PRKG1: variants seen among roughly 807,000 people sequenced by gnomAD.
PRKG1 encodes the protein cGMP-dependent protein kinase 1.
In PRKG1, 35 loss-of-function variants were observed where a neutral mutation model predicts 88.1. The ratio of observed to expected loss-of-function variants is 0.40; its 90% CI spans 0.30 to 0.53. The LOEUF (loss-of-function observed/expected upper bound fraction) is 0.53, where lower values mean the gene tolerates loss of function less well. Ranked by LOEUF, PRKG1 falls within the 20% of genes least tolerant of loss-of-function variation. PRKG1 has a pLI of 0.59. For synonymous variants in PRKG1, 303 were observed against 292.5 expected, an observed-to-expected ratio of 1.04 and a Z score of -0.37; for missense variants, 540 against 839.8, an observed-to-expected ratio of 0.64 and a Z score of 4.41.
intron 1 of PRKG1, among the ~76,000 whole-genome samples, chr10:51,008,622 C>T (rs1053677086): frequency 6.6e-6 from 1 of 152,110 alleles, no homozygotes; most frequent in African/African-American, 2.4e-5. Context: ...TGTAAGATTA[C>T]TAGTCATTCA....
intron 3 of PRKG1, among the ~76,000 whole-genome samples, chr10:51,661,626 TGGTG>T (rs1180684305): frequency 6.6e-6 from 1 of 152,190 alleles, no homozygotes; most frequent in African/African-American, 2.4e-5. Flanking sequence ...TTTTCACTGT[TGGTG>T]GGAGTCTAAA....
At chr10:51,954,976 G>A (rs1383487834) in intron 5 of PRKG1, among the ~76,000 whole-genome samples, 1 of 151,930 alleles carries the variant, frequency 6.6e-6, no homozygotes, top group Non-Finnish European at 1.5e-5. Flanking sequence ...CTTTTTGCTG[G>A]AGTTTTAAAA....
At chr10:51,062,665 C>A (rs1342318937) in intron 1 of PRKG1, 6 of 151,758 alleles carry the variant, frequency 4.0e-5, no homozygotes, top group Non-Finnish European at 7.4e-5. Flanking sequence ...TCTTGTTTCC[C>A]AGGCTGAAGT....
rs543187449 is a variant in PRKG1, at chr10:52,042,873, C to T, written c.763-11611C>T. On this transcript the variant is annotated intron_variant, in intron 5 of 17. Coordinates refer to ENST00000373980, the MANE Select transcript of PRKG1 (RefSeq NM_006258.4). ...TATGTAAGAAACTCAAACAATCCAA[C>T]AGCAATAAAAAAACAAATAACTTGA... Among the ~76,000 whole-genome samples, 11 of 152,096 alleles carry T rather than the reference C, an allele frequency of 7.2e-5. No individual in the cohort carries two copies. The East Asian group carries it at 9.7e-4, about 13-fold the overall frequency.
rs112962407 is a variant in PRKG1 at position 51,011,195 on chromosome 10, T to TTG, written c.266+19564_266+19565dup. Among the ~76,000 whole-genome samples the TTG allele has an allele frequency of 4.6e-5, 7 of 151,572 alleles. No homozygotes were observed. In the East Asian group the frequency reaches 5.8e-4, roughly 13 times the overall value. ...GAATTTTGGATCAGAGAATTATTTG[T>TTG]TGTGTGTGTGTGTGGGTGGGGAGGG... On this transcript the variant is annotated intron_variant, in intron 1 of 17. Transcript: ENST00000401604.
chr10:51,965,646 A>G (rs544527783), intron 5 of PRKG1, among the ~76,000 whole-genome samples: 85 of 152,324 alleles, frequency 5.6e-4, no homozygotes, highest in African/African-American at 2.0e-3. Context: ...TCTTTCAGAA[A>G]TAGTTGCTGA....
chr10:51,687,788 A>G (rs754677397), intron 3 of PRKG1, among the ~76,000 whole-genome samples: 1 of 152,170 alleles, frequency 6.6e-6, no homozygotes, highest in Non-Finnish European at 1.5e-5. Context: ...ATTCAATACA[A>G]CTTCTTCTCC....
intron 2 of PRKG1, among the ~76,000 whole-genome samples, chr10:51,190,118 TGTC>T (rs1329447315): frequency 6.6e-6 from 1 of 152,000 alleles, no homozygotes; most frequent in Non-Finnish European, 1.5e-5. Flanking sequence ...ACATTGTTGT[TGTC>T]ATATCTATAG....
chr10:51,672,083 T>C (rs141530335), intron 3 of PRKG1, among the ~76,000 whole-genome samples: 2 of 152,294 alleles, frequency 1.3e-5, no homozygotes, highest in African/African-American at 4.8e-5. Flanking sequence ...ATGATATATA[T>C]TTTTACATGT....
At chr10:52,288,324 G>A (rs1313003350) in intron 14 of PRKG1, among the ~76,000 whole-genome samples, 1 of 152,054 alleles carries the variant, frequency 6.6e-6, no homozygotes, top group Non-Finnish European at 1.5e-5. Flanking sequence ...AGTGAGGGTG[G>A]TAATGGCATG....
chr10:51,480,004 C>CAA (rs34522970), intron 3 of PRKG1, among the ~76,000 whole-genome samples: 20 of 147,898 alleles, frequency 1.4e-4, no homozygotes, highest in East Asian at 7.9e-4. Flanking sequence ...AGAGCCATCT[C>CAA]AAAAAAAAAA....
intron 3 of PRKG1, among the ~76,000 whole-genome samples, chr10:51,736,510 A>T (rs1161731841): frequency 6.6e-6 from 1 of 152,296 alleles, no homozygotes; most frequent in African/African-American, 2.4e-5. Flanking sequence ...GTGAATACTC[A>T]TATACACACA....
chr10:51,591,187 G>A (rs913712075), intron 3 of PRKG1, among the ~76,000 whole-genome samples: 2 of 152,030 alleles, frequency 1.3e-5, no homozygotes, highest in South Asian at 2.1e-4. Context: ...ACACATACAC[G>A]CATGCATACA....
At chr10:51,548,317 A>C (rs1842491816) in intron 3 of PRKG1, among the ~76,000 whole-genome samples, 1 of 152,146 alleles carries the variant, frequency 6.6e-6, no homozygotes, top group African/African-American at 2.4e-5. Context: ...ATTTTAAAAA[A>C]CATAAGTTGG....
At chr10:52,037,127 C>G (rs1845637404) in intron 5 of PRKG1, among the ~76,000 whole-genome samples, 1 of 152,224 alleles carries the variant, frequency 6.6e-6, no homozygotes, top group Admixed American at 6.5e-5. Flanking sequence ...GTTGAACAGT[C>G]CGATTTTCAG....
intron 9 of PRKG1, among the ~76,000 whole-genome samples, chr10:52,176,048 C>A (rs1391677993): frequency 6.6e-6 from 1 of 151,612 alleles, no homozygotes; most frequent in East Asian, 1.9e-4. Flanking sequence ...TTTTTGAGGC[C>A]TTATTCAAAA....
At chr10:52,108,326 ATAGT>A (rs1169592043) in intron 7 of PRKG1, among the ~76,000 whole-genome samples, 2 of 152,204 alleles carry the variant, frequency 1.3e-5, no homozygotes, top group Non-Finnish European at 2.9e-5. Flanking sequence ...AATCTGTATG[ATAGT>A]TAGTGACATA....
At chr10:51,433,456 G>C (rs1838829008) in intron 2 of PRKG1, among the ~76,000 whole-genome samples, 1 of 152,092 alleles carries the variant, frequency 6.6e-6, no homozygotes, top group African/African-American at 2.4e-5. Context: ...AAAGATCACA[G>C]ATGGAAAGTC....
At chr10:51,945,943 C>T (rs1166743687) in intron 5 of PRKG1, among the ~76,000 whole-genome samples, 4 of 149,668 alleles carry the variant, frequency 2.7e-5, no homozygotes, top group Admixed American at 2.7e-4. Context: ...CTTGGAGTTG[C>T]TCTTCTCGAG....
Sources: allele counts gnomAD v4.1 joint callset (sites outside exome capture counted in the v4.1 genomes callset), GRCh38; gene constraint gnomAD v4.1.1; transcripts MANE v1.5; gene names NCBI Gene and HGNC (gene_info 2026-07-23, HGNC 2026-07-21).